Variants in RBFOX1 observed in about 807,000 individuals in gnomAD.
The protein encoded by RBFOX1 is RNA binding fox-1 homolog 1.
A neutral mutation model predicts 57.7 loss-of-function variants in RBFOX1; 8 were observed. The ratio of observed to expected loss-of-function variants is 0.14; its 90% CI spans 0.08 to 0.25. RBFOX1 has a LOEUF of 0.25. Among genes scored for constraint, RBFOX1 ranks in the 10% least tolerant of loss-of-function variants. RBFOX1 has a pLI of 1.00. For synonymous variants in RBFOX1, 326 were observed against 222.4 expected, an observed-to-expected ratio of 1.47 and a Z score of -4.15; for missense variants, 611 against 548.5, an observed-to-expected ratio of 1.11 and a Z score of -1.14.
chr16:5,369,520 G>A (rs148579584), intron 1 of RBFOX1, among the ~76,000 whole-genome samples: 6 of 152,322 alleles, frequency 3.9e-5, no homozygotes, highest in South Asian at 4.1e-4. Context: ...GACGTTCTCC[G>A]TGGTACATGC....
At chr16:6,965,063 G>A (rs923854139) in intron 3 of RBFOX1, among the ~76,000 whole-genome samples, 1 of 152,002 alleles carries the variant, frequency 6.6e-6, no homozygotes, top group Non-Finnish European at 1.5e-5. Flanking sequence ...CTGGAGTCTG[G>A]GGGTGGCAGT....
rs1255379830 is a variant in RBFOX1 at position 6,860,550 on chromosome 16, T to C, written c.-15-191507T>C. On this transcript the variant is annotated intron_variant, in intron 3 of 15. Transcript: ENST00000550418. ...CAAGATGCATGTAGTTTTGAGATAT[T>C]TCATCCCTAAATGCACACATGAAGG... Among the ~76,000 whole-genome samples the C allele has an allele frequency of 2.0e-5, 3 of 152,278 alleles. No individual in the cohort carries two copies. In the East Asian group the frequency reaches 5.8e-4, roughly 29 times the overall value.
chr16:7,330,241 A>G (rs561118866), intron 4 of RBFOX1, among the ~76,000 whole-genome samples: 14 of 152,238 alleles, frequency 9.2e-5, no homozygotes, highest in African/African-American at 3.4e-4. Context: ...ACCTATGCAC[A>G]TCTTCCCGTA....
At chr16:6,596,771 G>A (rs530169553) in intron 2 of RBFOX1, among the ~76,000 whole-genome samples, 1 of 152,278 alleles carries the variant, frequency 6.6e-6, no homozygotes, top group South Asian at 2.1e-4. Flanking sequence ...GGATATACAT[G>A]CATGCACAGC....
intron 3 of RBFOX1, among the ~76,000 whole-genome samples, chr16:5,834,721 A>AGATAGATAGATG (rs1567604166): frequency 1.6e-4 from 22 of 135,278 alleles, no homozygotes; most frequent in African/African-American, 6.7e-4. Flanking sequence ...ATAGATACAT[A>AGATAGATAGATG]GATACATAGA....
At chr16:6,665,587 C>G (rs550713935) in intron 3 of RBFOX1, among the ~76,000 whole-genome samples, 107 of 149,234 alleles carry the variant, frequency 7.2e-4, no homozygotes, top group African/African-American at 2.6e-3. Context: ...ATTGTGCCAT[C>G]ACATTCCAGT....
chr16:5,852,379 T>C (rs1362045110), intron 3 of RBFOX1, among the ~76,000 whole-genome samples: 1 of 152,020 alleles, frequency 6.6e-6, no homozygotes, highest in East Asian at 1.9e-4. Context: ...GCAGCAAAGA[T>C]GTGGTTTAGT....
chr16:5,757,130 T>C (rs2053425566), intron 3 of RBFOX1, among the ~76,000 whole-genome samples: 1 of 152,126 alleles, frequency 6.6e-6, no homozygotes, highest in African/African-American at 2.4e-5. Flanking sequence ...CCATCATTAC[T>C]GCATAGCTGC....
intron 3 of RBFOX1, among the ~76,000 whole-genome samples, chr16:6,733,716 C>G (rs1351976236): frequency 6.6e-6 from 1 of 152,016 alleles, no homozygotes; most frequent in East Asian, 1.9e-4. Flanking sequence ...TGAGATCACA[C>G]CACTGCACTC....
chr16:5,989,880 A>ACACACACACACACACACACACACACAC (rs33912010), intron 4 of RBFOX1, among the ~76,000 whole-genome samples: 1 of 127,210 alleles, frequency 7.9e-6, no homozygotes, highest in Non-Finnish European at 1.7e-5. Flanking sequence ...ACACACACAC[A>ACACACACACACACACACACACACACAC]CCACCCCTGT....
At chr16:6,534,394 G>A (rs1399950931) in intron 2 of RBFOX1, among the ~76,000 whole-genome samples, 1 of 152,062 alleles carries the variant, frequency 6.6e-6, no homozygotes, top group Admixed American at 6.6e-5. Flanking sequence ...CTATGGGGAT[G>A]GAATTCAGGA....
At chr16:5,259,402 G>C (rs1371839568) in intron 1 of RBFOX1, among the ~76,000 whole-genome samples, 1 of 152,190 alleles carries the variant, frequency 6.6e-6, no homozygotes, top group African/African-American at 2.4e-5. Flanking sequence ...TCTGGGAGCT[G>C]GGTTGGGAAC....
intron 4 of RBFOX1, among the ~76,000 whole-genome samples, chr16:7,329,024 T>C (rs2096649533): frequency 6.6e-6 from 1 of 152,142 alleles, no homozygotes; most frequent in Non-Finnish European, 1.5e-5. Flanking sequence ...ATTTAGTAAA[T>C]ACAGTATTAC....
At chr16:6,065,278 T>A (rs2152469707) in intron 1 of RBFOX1, among the ~76,000 whole-genome samples, 1 of 150,260 alleles carries the variant, frequency 6.7e-6, no homozygotes, top group Admixed American at 6.7e-5. Flanking sequence ...CAAGCAATCC[T>A]CCCATCTTGG....
At chr16:5,895,593 A>AG (rs2058144729) in intron 4 of RBFOX1, among the ~76,000 whole-genome samples, 1 of 152,216 alleles carries the variant, frequency 6.6e-6, no homozygotes, top group Admixed American at 6.5e-5. Context: ...GGGCATAGGA[A>AG]GGAGGTATCA....
chr16:6,855,860 T>C (rs2142195570), intron 3 of RBFOX1, among the ~76,000 whole-genome samples: 1 of 150,154 alleles, frequency 6.7e-6, no homozygotes, highest in African/African-American at 2.5e-5. Context: ...CCTCCCTTCC[T>C]TTCTTCCCTG....
chr16:5,563,129 T>C (rs1490528878), intron 2 of RBFOX1, among the ~76,000 whole-genome samples: 1 of 152,148 alleles, frequency 6.6e-6, no homozygotes, highest in African/African-American at 2.4e-5. Flanking sequence ...TTTGCATTTT[T>C]GTAGAGACGG....
intron 14 of RBFOX1, among the ~76,000 whole-genome samples, chr16:7,699,464 G>A (rs367614500): frequency 2.8e-4 from 43 of 152,222 alleles, no homozygotes; most frequent in African/African-American, 9.9e-4. Context: ...AGTCCTGCGA[G>A]TACAGGCACG....
intron 3 of RBFOX1, among the ~76,000 whole-genome samples, chr16:7,045,721 C>T (rs909612359): frequency 1.3e-5 from 2 of 151,912 alleles, no homozygotes; most frequent in Non-Finnish European, 2.9e-5. Context: ...GTGGCTTGAT[C>T]TTCATTCACT....
Sources: allele counts gnomAD v4.1 joint callset (sites outside exome capture counted in the v4.1 genomes callset), GRCh38; gene constraint gnomAD v4.1.1; transcripts MANE v1.5; gene names NCBI Gene and HGNC (gene_info 2026-07-23, HGNC 2026-07-21).